HDAC9: variants seen among roughly 807,000 people sequenced by gnomAD.
HDAC9 encodes the protein histone deacetylase 9.
In HDAC9, 41 loss-of-function variants were observed where a neutral mutation model predicts 139.4. That is an observed-to-expected ratio of 0.29 (90% CI 0.23 to 0.38). HDAC9 has a LOEUF of 0.38. HDAC9 is among the 10% of genes least tolerant of loss of function. The probability of loss-of-function intolerance (pLI) is 1.00; values close to 1 mark genes in which losing one functional copy is unlikely to be tolerated. For synonymous variants in HDAC9, 517 were observed against 476.2 expected (o/e 1.09, Z -1.12); for missense variants, 1,147 against 1,297.0 (o/e 0.88, Z 1.78).
At chr7:18,592,785 TATTC>T (rs1193190473) in intron 5 of HDAC9, among the ~76,000 whole-genome samples, 1 of 152,158 alleles carries the variant, frequency 6.6e-6, no homozygotes, top group Non-Finnish European at 1.5e-5. Context: ...CAATTTCAAA[TATTC>T]AATCAATATC....
intron 1 of HDAC9, among the ~76,000 whole-genome samples, chr7:18,465,037 G>T (rs1298579391): frequency 1.3e-5 from 2 of 152,000 alleles, no homozygotes; most frequent in Admixed American, 6.6e-5. Context: ...TCTTTAGCTT[G>T]ATGTCTTTCA....
At chr7:18,173,558 T>C (rs1306653783) in intron 2 of HDAC9, among the ~76,000 whole-genome samples, 1 of 152,242 alleles carries the variant, frequency 6.6e-6, no homozygotes, top group African/African-American at 2.4e-5. Context: ...TGACGGTCTT[T>C]ACAATTTGGC....
intron 2 of HDAC9, among the ~76,000 whole-genome samples, chr7:18,249,502 C>CA (rs3058733): frequency 0.026 from 1,532 of 58,386 alleles, 40 homozygotes; most frequent in African/African-American, 0.042. Context: ...GACTCTGTCT[C>CA]AAAAAAAAAA....
intron 2 of HDAC9, among the ~76,000 whole-genome samples, chr7:18,536,962 C>A (rs1811122225): frequency 6.6e-6 from 1 of 152,182 alleles, no homozygotes; most frequent in Non-Finnish European, 1.5e-5. Context: ...TGCTTTCTCC[C>A]AGCTTCCCCT....
At chr7:18,970,430 C>T (rs1231814391) in intron 24 of HDAC9, among the ~76,000 whole-genome samples, 2 of 152,126 alleles carry the variant, frequency 1.3e-5, no homozygotes, top group African/African-American at 4.8e-5. Context: ...TATAGGCCAA[C>T]TGATAAAAAT....
chr7:18,520,883 C>T (rs1346983555), intron 2 of HDAC9, among the ~76,000 whole-genome samples: 2 of 152,162 alleles, frequency 1.3e-5, no homozygotes, highest in South Asian at 2.1e-4. Flanking sequence ...TTAGCCATAG[C>T]TGGGTCTTAA....
intron 8 of HDAC9, among the ~76,000 whole-genome samples, chr7:18,640,271 GA>G (rs1256171869): frequency 7.0e-6 from 1 of 143,186 alleles, no homozygotes; most frequent in East Asian, 2.1e-4. Flanking sequence ...CATTAGCCAG[GA>G]GTTTGAGCCC....
At chr7:18,427,251 G>A (rs1487203606) in intron 1 of HDAC9, among the ~76,000 whole-genome samples, 1 of 152,054 alleles carries the variant, frequency 6.6e-6, no homozygotes, top group Non-Finnish European at 1.5e-5. Context: ...AATAAGTATA[G>A]GTACTCATTC....
intron 23 of HDAC9, among the ~76,000 whole-genome samples, chr7:18,939,153 G>A (rs1303504922): frequency 6.6e-6 from 1 of 152,134 alleles, no homozygotes; most frequent in Non-Finnish European, 1.5e-5. Context: ...GTCTTCAGTT[G>A]CATAAGCACA....
intron 2 of HDAC9, among the ~76,000 whole-genome samples, chr7:18,217,063 C>CA (rs1295576121): frequency 3.9e-5 from 6 of 151,910 alleles, no homozygotes; most frequent in Non-Finnish European, 7.4e-5. Context: ...AGAATCCACG[C>CA]AAAAAATCAG....
chr7:18,458,866 G>C, intron 1 of HDAC9: 2 of 1,534,810 alleles, frequency 1.3e-6, no homozygotes, highest in Non-Finnish European at 1.7e-6. Flanking sequence ...CTTGTACCAT[G>C]GGTGCTATTC....
chr7:18,522,279 C>A (rs1159978825), intron 2 of HDAC9, among the ~76,000 whole-genome samples: 7 of 152,024 alleles, frequency 4.6e-5, no homozygotes, highest in Non-Finnish European at 1.0e-4. Flanking sequence ...AAAGACTAAA[C>A]CAAAAGATAC....
chr7:18,535,667 C>A (rs940430068), intron 2 of HDAC9, among the ~76,000 whole-genome samples: 1 of 116,358 alleles, frequency 8.6e-6, no homozygotes, highest in Non-Finnish European at 1.6e-5. Flanking sequence ...TTTGAAACAA[C>A]GTTTGCATTG....
chr7:18,711,809 C>T (rs1049851776), intron 12 of HDAC9, among the ~76,000 whole-genome samples: 1 of 152,192 alleles, frequency 6.6e-6, no homozygotes, highest in Admixed American at 6.5e-5. Context: ...TCTACTTCTT[C>T]CTGAAGGCCT....
chr7:18,562,604 TCATCTGTA>T (rs1820960757), intron 2 of HDAC9, among the ~76,000 whole-genome samples: 1 of 152,182 alleles, frequency 6.6e-6, no homozygotes, highest in Non-Finnish European at 1.5e-5. Context: ...TCTATACCAT[TCATCTGTA>T]CATCTGTCCT....
intron 2 of HDAC9, among the ~76,000 whole-genome samples, chr7:18,550,664 A>G (rs1730915484): frequency 6.6e-6 from 1 of 152,224 alleles, no homozygotes; most frequent in South Asian, 2.1e-4. Flanking sequence ...TTTGCCATAA[A>G]TTGATCTGAG....
At chr7:18,281,548 A>G (rs1442978583) in intron 2 of HDAC9, among the ~76,000 whole-genome samples, 1 of 152,238 alleles carries the variant, frequency 6.6e-6, no homozygotes, top group African/African-American at 2.4e-5. Context: ...CTACGATTTG[A>G]CTCCAAAGCT....
At chr7:18,567,346 A>T (rs1015565816) in intron 2 of HDAC9, among the ~76,000 whole-genome samples, 2 of 152,208 alleles carry the variant, frequency 1.3e-5, no homozygotes, top group Non-Finnish European at 2.9e-5. Context: ...TTACCTTAGC[A>T]TAGAGACAAA....
At chr7:18,679,092 T>A (rs1030439082) in intron 12 of HDAC9, among the ~76,000 whole-genome samples, 7 of 151,926 alleles carry the variant, frequency 4.6e-5, no homozygotes, top group African/African-American at 1.7e-4. Flanking sequence ...TAAATCCAGC[T>A]ATTCTGGGGG....
Sources: gnomAD v4.1 joint callset for allele counts (sites outside exome capture counted in the v4.1 genomes callset) on GRCh38, gnomAD v4.1.1 for gene constraint, MANE v1.5 for transcripts, NCBI Gene and HGNC (gene_info 2026-07-23, HGNC 2026-07-21) for gene names.